CTNND2: variants seen among roughly 807,000 people sequenced by gnomAD.
CTNND2 encodes the protein catenin delta-2.
A neutral mutation model predicts 144.4 loss-of-function variants in CTNND2; 22 were observed. That is an observed-to-expected ratio of 0.15 (90% CI 0.11 to 0.22). The LOEUF (loss-of-function observed/expected upper bound fraction) is 0.22. Among genes scored for constraint, CTNND2 ranks in the 10% least tolerant of loss-of-function variants. The pLI, the probability that CTNND2 is intolerant of heterozygous loss-of-function variation, is 1.00. For missense variants in CTNND2, 1,353 were observed against 1,618.8 expected (o/e 0.84, Z 2.82); for synonymous variants, 751 against 695.6 (o/e 1.08, Z -1.25).
chr5:11,893,495 C>T (rs1338758901), intron 1 of CTNND2, among the ~76,000 whole-genome samples: 1 of 152,146 alleles, frequency 6.6e-6, no homozygotes, highest in East Asian at 1.9e-4. Flanking sequence ...TGGACTCGCC[C>T]ATTATAATAG....
At chr5:11,294,533 T>C (rs1490508437) in intron 9 of CTNND2, among the ~76,000 whole-genome samples, 1 of 152,150 alleles carries the variant, frequency 6.6e-6, no homozygotes, top group East Asian at 1.9e-4. Context: ...TTCATGCAAA[T>C]ATAGAATGTT....
Position 11,535,811 on chromosome 5 carries a change from T to A in CTNND2, c.287+29133A>T, listed in dbSNP as rs539554361. ...TGAGGTCTGAACCTACATTACTAAG[T>A]TTAAATTCCAGATCTGCTACTTACA... On this transcript the variant is annotated intron_variant, in intron 3 of 21. Coordinates refer to ENST00000304623, the MANE Select transcript of CTNND2 (RefSeq NM_001332.4). 2.0e-5 allele frequency among the ~76,000 whole-genome samples: 3 copies of A among 152,304 alleles called. No homozygotes were observed. The East Asian group carries it at 5.8e-4, about 29-fold the overall frequency.
chr5:11,475,920 C>A (rs1032193690), intron 3 of CTNND2, among the ~76,000 whole-genome samples: 1 of 151,886 alleles, frequency 6.6e-6, no homozygotes, highest in Non-Finnish European at 1.5e-5. Flanking sequence ...AATATGTGGC[C>A]CCATCATGGC....
At chr5:11,644,332 C>G (rs972038720) in intron 2 of CTNND2, among the ~76,000 whole-genome samples, 5 of 152,130 alleles carry the variant, frequency 3.3e-5, no homozygotes, top group African/African-American at 7.2e-5. Flanking sequence ...GAAATTACAA[C>G]AGTAATTGTT....
At chr5:11,480,023 T>A (rs1454272694) in intron 3 of CTNND2, among the ~76,000 whole-genome samples, 1 of 152,194 alleles carries the variant, frequency 6.6e-6, no homozygotes, top group Non-Finnish European at 1.5e-5. Flanking sequence ...TTAGATCCCA[T>A]TTGCCAATTT....
intron 9 of CTNND2, among the ~76,000 whole-genome samples, chr5:11,336,295 G>T (rs1406947204): frequency 6.6e-6 from 1 of 152,200 alleles, no homozygotes; most frequent in Non-Finnish European, 1.5e-5. Flanking sequence ...AACTGGCCAA[G>T]GTCTCTGAAA....
rs568743584 is a variant in CTNND2, at chr5:11,711,625, C to T, written c.174+20511G>A. Among the ~76,000 whole-genome samples the T allele has an allele frequency of 5.9e-5, 9 of 152,212 alleles. No individual in the cohort carries two copies. In the South Asian group the frequency reaches 8.3e-4, roughly 14 times the overall value. ...TAACTTTGAAATTCTTACAATTCTGCGAGATAAATACTATTATTAACTTTA... is the reference window on the plus strand; with the variant it reads ...TAACTTTGAAATTCTTACAATTCTGTGAGATAAATACTATTATTAACTTTA... On this transcript the variant is annotated intron_variant, in intron 2 of 21. Transcript: ENST00000304623.
chr5:11,396,984 C>G, intron 6 of CTNND2, 47 bp downstream of exon 6: 1 of 1,550,842 alleles, frequency 6.4e-7, no homozygotes, highest in Non-Finnish European at 8.8e-7. Flanking sequence ...CCATTCCCCA[C>G]CTGTCCCCTT....
At chr5:11,153,082 G>A (rs990837444) in intron 12 of CTNND2, among the ~76,000 whole-genome samples, 2 of 152,080 alleles carry the variant, frequency 1.3e-5, no homozygotes, top group Non-Finnish European at 2.9e-5. Flanking sequence ...TGGCCAACAC[G>A]GTGAAACCCC....
At chr5:11,359,081 C>T (rs1285127076) in intron 8 of CTNND2, among the ~76,000 whole-genome samples, 4 of 152,168 alleles carry the variant, frequency 2.6e-5, no homozygotes, top group African/African-American at 7.2e-5. Flanking sequence ...GTCATTCATA[C>T]ATTTGAGTTT....
At chr5:11,236,615 T>C (rs1242396618) in intron 10 of CTNND2, 76 bp downstream of exon 10, 28 of 1,468,398 alleles carry the variant, frequency 1.9e-5, no homozygotes, top group Non-Finnish European at 2.5e-5. Flanking sequence ...CCTAATTCTT[T>C]TCCCCATCAA....
At chr5:11,119,135 C>A (rs1400641829) in intron 12 of CTNND2, among the ~76,000 whole-genome samples, 2 of 151,948 alleles carry the variant, frequency 1.3e-5, no homozygotes, top group African/African-American at 4.8e-5. Flanking sequence ...GGAACAAAAC[C>A]TGTGAAGATG....
intron 2 of CTNND2, among the ~76,000 whole-genome samples, chr5:11,587,564 T>C (rs1778956245): frequency 6.6e-6 from 1 of 152,090 alleles, no homozygotes. Context: ...AACATGGTCA[T>C]TCTTCACACT....
At chr5:11,357,885 A>C (rs1756056157) in intron 8 of CTNND2, among the ~76,000 whole-genome samples, 1 of 152,126 alleles carries the variant, frequency 6.6e-6, no homozygotes, top group Non-Finnish European at 1.5e-5. Context: ...TTTCTATTAT[A>C]ATTTTAAGTG....
intron 14 of CTNND2, among the ~76,000 whole-genome samples, chr5:11,100,565 A>G (rs1459714675): frequency 6.6e-6 from 1 of 152,242 alleles, no homozygotes; most frequent in Non-Finnish European, 1.5e-5. Flanking sequence ...GCCAGTTTCA[A>G]TGACAAAGCA....
At chr5:11,278,253 C>T (rs1315706371) in intron 9 of CTNND2, among the ~76,000 whole-genome samples, 1 of 152,210 alleles carries the variant, frequency 6.6e-6, no homozygotes, top group Non-Finnish European at 1.5e-5. Context: ...GCATGTCTGG[C>T]CTTGCCCTTG....
chr5:11,801,058 A>G (rs1176829341), intron 1 of CTNND2, among the ~76,000 whole-genome samples: 2 of 152,206 alleles, frequency 1.3e-5, no homozygotes, highest in South Asian at 4.1e-4. Flanking sequence ...CGGGAATAAT[A>G]TAAGGTTTAA....
At chr5:11,560,551 T>C (rs1460519694) in intron 3 of CTNND2, among the ~76,000 whole-genome samples, 1 of 152,176 alleles carries the variant, frequency 6.6e-6, no homozygotes, top group East Asian at 1.9e-4. Context: ...TGACTGAAGG[T>C]TAAAATATTC....
At chr5:11,858,992 C>T (rs1336070000) in intron 1 of CTNND2, among the ~76,000 whole-genome samples, 2 of 152,140 alleles carry the variant, frequency 1.3e-5, no homozygotes, top group Non-Finnish European at 2.9e-5. Context: ...AACTTATATA[C>T]GCTGTCCCCA....
Sources: gnomAD v4.1 joint callset for allele counts (sites outside exome capture counted in the v4.1 genomes callset) on GRCh38, gnomAD v4.1.1 for gene constraint, MANE v1.5 for transcripts, NCBI Gene and HGNC (gene_info 2026-07-23, HGNC 2026-07-21) for gene names.